LRRC20: variants seen among roughly 807,000 people sequenced by gnomAD.
The protein encoded by LRRC20 is leucine rich repeat containing 20.
Under a neutral mutation model 14.4 loss-of-function variants are expected in LRRC20, and 11 were observed. The ratio of observed to expected loss-of-function variants is 0.77; its 90% CI spans 0.48 to 1.27. LRRC20 has a LOEUF of 1.27. Among genes scored for constraint, LRRC20 ranks in the 50% most tolerant of loss-of-function variants. The pLI, the probability that LRRC20 is intolerant of heterozygous loss-of-function variation, is 0.00. For missense variants in LRRC20, 219 were observed against 251.2 expected, an observed-to-expected ratio of 0.87 and a Z score of 0.87; for synonymous variants, 121 against 107.3, an observed-to-expected ratio of 1.13 and a Z score of -0.79.
chr10:70,317,163 G>C (rs1841894990), intron 4 of LRRC20, among the ~76,000 whole-genome samples: 1 of 152,222 alleles, frequency 6.6e-6, no homozygotes, highest in Admixed American at 6.5e-5. Context: ...TGCCAGCCCA[G>C]AGGGTCCCTG....
intron 2 of LRRC20, among the ~76,000 whole-genome samples, chr10:70,371,318 A>G (rs1030549910): frequency 6.6e-6 from 1 of 151,864 alleles, no homozygotes; most frequent in Non-Finnish European, 1.5e-5. Context: ...TTTAAATTTT[A>G]TTTTTGGTAG....
At chr10:70,378,816 C>T (rs953083425) in intron 1 of LRRC20, among the ~76,000 whole-genome samples, 1 of 145,398 alleles carries the variant, frequency 6.9e-6, no homozygotes, top group African/African-American at 2.6e-5. Flanking sequence ...CATGGTCGCA[C>T]ATGCCTGTAA....
chr10:70,310,690 G>A (rs1841618983), intron 4 of LRRC20, among the ~76,000 whole-genome samples: 1 of 152,208 alleles, frequency 6.6e-6, no homozygotes, highest in African/African-American at 2.4e-5. Flanking sequence ...CCTTCAGGCT[G>A]AGACCACCCT....
At chr10:70,349,521 T>C (rs1843214132) in intron 2 of LRRC20, among the ~76,000 whole-genome samples, 1 of 152,176 alleles carries the variant, frequency 6.6e-6, no homozygotes, top group Non-Finnish European at 1.5e-5. Flanking sequence ...GAGGTTGCAG[T>C]GAGCAGAGAT....
chr10:70,319,173 GA>G (rs11439728), intron 4 of LRRC20, among the ~76,000 whole-genome samples: 10,515 of 125,218 alleles, frequency 0.084, 436 homozygotes, highest in African/African-American at 0.15. Flanking sequence ...GGTGTATAGG[GA>G]AAAAAAAAAA....
chr10:70,349,433 T>A (rs567463244), intron 2 of LRRC20, among the ~76,000 whole-genome samples: 1 of 151,902 alleles, frequency 6.6e-6, no homozygotes, highest in East Asian at 1.9e-4. Context: ...CAAAAAGTAG[T>A]CGGTCGTGGT....
intron 4 of LRRC20, among the ~76,000 whole-genome samples, chr10:70,323,350 T>C (rs991719925): frequency 5.9e-5 from 9 of 152,236 alleles, no homozygotes; most frequent in African/African-American, 2.2e-4. Flanking sequence ...AAGGCACCTA[T>C]CAGACCCCTG....
intron 2 of LRRC20, among the ~76,000 whole-genome samples, chr10:70,352,279 T>C (rs1214873343): frequency 6.6e-6 from 1 of 152,202 alleles, no homozygotes; most frequent in Non-Finnish European, 1.5e-5. Flanking sequence ...TACCAATACT[T>C]TAGAATTTTG....
At chr10:70,343,670 A>T (rs1842988368) in intron 2 of LRRC20, among the ~76,000 whole-genome samples, 1 of 152,254 alleles carries the variant, frequency 6.6e-6, no homozygotes, top group Non-Finnish European at 1.5e-5. Context: ...GATTCTAAAA[A>T]GAGTAATCGT....
chr10:70,331,926 C>A (rs1384063170), intron 3 of LRRC20, among the ~76,000 whole-genome samples: 4 of 152,202 alleles, frequency 2.6e-5, no homozygotes, highest in Non-Finnish European at 5.9e-5. Flanking sequence ...GACTCAGAGG[C>A]CTTAGATTAA....
At chr10:70,354,913 A>G (rs1843466105) in intron 2 of LRRC20, among the ~76,000 whole-genome samples, 1 of 152,114 alleles carries the variant, frequency 6.6e-6, no homozygotes, top group Non-Finnish European at 1.5e-5. Flanking sequence ...CCCCTCCACT[A>G]TCAGCCAGGG....
intron 2 of LRRC20, among the ~76,000 whole-genome samples, chr10:70,342,188 C>T (rs1289231989): frequency 6.6e-6 from 1 of 151,778 alleles, no homozygotes; most frequent in Non-Finnish European, 1.5e-5. Flanking sequence ...CACATGCCTG[C>T]AATCCCAACT....
At chr10:70,331,115 T>C (rs1842522279) in intron 3 of LRRC20, among the ~76,000 whole-genome samples, 1 of 152,178 alleles carries the variant, frequency 6.6e-6, no homozygotes, top group African/African-American at 2.4e-5. Context: ...TGGAGAGAGA[T>C]TCCTATGACT....
chr10:70,340,452 G>A lies in LRRC20; in HGVS notation c.232+101C>T, dbSNP rs558405069. 4.6e-5 allele frequency: 64 copies of A among 1,392,210 alleles called. 1 individual carries two copies. Among genetic ancestry groups the A allele is most frequent in the South Asian group, 3.8e-4 (30 of 79,234 alleles). 86.2% of individuals were successfully genotyped at this position (1,392,210 alleles called of 1,614,324 possible). A position where few individuals can be genotyped will look rare whatever the true frequency, so the allele number is the denominator to read the frequency against. ...CCATGGGAATGATTTCATGGGTGTC[G>A]CTGACCAGGGACCAGCTCTGGTGGC... On this transcript the variant is annotated intron_variant, in intron 3 of 4. Transcript: ENST00000446961.
At chr10:70,301,619 TTGCC>T in intron 4 of LRRC20, 111 bp from the exon 5 acceptor site, 3 of 1,327,370 alleles carry the variant, frequency 2.3e-6, no homozygotes, top group Non-Finnish European at 3.1e-6. Context: ...CAGCTCTCCA[TTGCC>T]CACTGCACGT....
intron 2 of LRRC20, among the ~76,000 whole-genome samples, chr10:70,360,363 TTCC>T (rs372690258): frequency 0.011 from 1,580 of 149,868 alleles, 24 homozygotes; most frequent in South Asian, 0.057. Flanking sequence ...CCTCATTGCT[TTCC>T]TCCTCCTCCT....
intron 2 of LRRC20, among the ~76,000 whole-genome samples, chr10:70,364,546 C>T (rs1843892913): frequency 6.6e-6 from 1 of 152,240 alleles, no homozygotes; most frequent in African/African-American, 2.4e-5. Flanking sequence ...CAGGTCCCTG[C>T]AGGGGTTGGA....
chr10:70,378,770 G>A (rs1235195894), intron 1 of LRRC20, among the ~76,000 whole-genome samples: 3 of 66,042 alleles, frequency 4.5e-5, no homozygotes, highest in Non-Finnish European at 8.8e-5. Flanking sequence ...TGAACCTCGC[G>A]CTCAAAAAAA....
At chr10:70,371,152 A>AT (rs1844249385) in intron 2 of LRRC20, among the ~76,000 whole-genome samples, 1 of 151,704 alleles carries the variant, frequency 6.6e-6, no homozygotes, top group Non-Finnish European at 1.5e-5. Flanking sequence ...ATTATATCAG[A>AT]TTTTTTAAAT....
Sources: allele counts gnomAD v4.1 joint callset (sites outside exome capture counted in the v4.1 genomes callset), GRCh38; gene constraint gnomAD v4.1.1; transcripts MANE v1.5; gene names NCBI Gene and HGNC (gene_info 2026-07-23, HGNC 2026-07-21).